UTP20: variants seen among roughly 807,000 people sequenced by gnomAD.
UTP20 encodes UTP20 small subunit processome component, also known as small subunit processome component 20 homolog.
Under a neutral mutation model 329.5 loss-of-function variants are expected in UTP20, and 164 were observed. That is an observed-to-expected ratio of 0.50 (90% CI 0.44 to 0.57). The LOEUF is 0.57. Among genes scored for constraint, UTP20 ranks in the 20% least tolerant of loss-of-function variants. The pLI is 0.00. For synonymous variants in UTP20, 1,151 were observed against 1,159.3 expected (o/e 0.99, Z 0.14); for missense variants, 3,055 against 3,284.2 (o/e 0.93, Z 1.71).
At chr12:101,348,532 A>G (rs950031720) in intron 38 of UTP20, among the ~76,000 whole-genome samples, 5 of 152,014 alleles carry the variant, frequency 3.3e-5, no homozygotes, top group Non-Finnish European at 5.9e-5. Context: ...CTCTTTGAAA[A>G]TAAAGAAAAG....
intron 26 of UTP20, among the ~76,000 whole-genome samples, chr12:101,327,927 C>T (rs1192056377): frequency 6.6e-6 from 1 of 152,188 alleles, no homozygotes; most frequent in Non-Finnish European, 1.5e-5. Flanking sequence ...GCTGTCATTA[C>T]TTGATTATCC....
chr12:101,306,580 C>G lies in UTP20; in HGVS notation c.1933-119C>G, dbSNP rs764794715. 1.1e-5 allele frequency: 10 copies of G among 901,174 alleles called. No individual in the cohort carries two copies. The South Asian group carries it at 1.9e-4, about 17-fold the overall frequency. 55.8% of individuals were successfully genotyped at this position (901,174 alleles called of 1,614,324 possible). On this transcript the variant is annotated intron_variant, in intron 16 of 61. Transcript: ENST00000261637. ...TAAGGGCTAGAATAGGCACATATTA[C>G]TCTGGTCAAATGGTATTTTTTTTTT... is the stretch of plus-strand genomic sequence containing the variant.
Position 101,317,585 on chromosome 12 carries a change from A to T in UTP20, c.2660A>T (p.Asp887Val). 6.2e-7 allele frequency: 1 copy of T among 1,614,164 alleles called. No homozygotes were observed. The highest frequency in any genetic ancestry group is 8.5e-7 in the Non-Finnish European group (1 of 1,180,032). Residue 887 changes from aspartate (D) to valine (V), a missense_variant, in exon 22 of 62, where the codon GAT becomes GTT. Transcript: ENST00000261637. The part of the protein sequence containing the change: ...EEIEEEPAAG[D>V]DEELEEEAVP... ...ATCGAAGAGGAACCTGCCGCAGGAG[A>T]TGATGAAGAGTTGGAGGAAGAGGCA...
intron 6 of UTP20, among the ~76,000 whole-genome samples, chr12:101,289,590 C>T (rs1415306987): frequency 1.3e-5 from 2 of 151,976 alleles, no homozygotes; most frequent in African/African-American, 4.8e-5. Context: ...TAATTTGGGT[C>T]ACTATTGTAT....
rs200541979 is a variant in UTP20 at position 101,374,908 on chromosome 12, A to T, written c.7232A>T (p.Glu2411Val). 7 of 1,611,812 alleles carry T rather than the reference A, an allele frequency of 4.3e-6. No homozygotes were observed. The highest frequency in any genetic ancestry group is 5.9e-6 in the Non-Finnish European group (7 of 1,177,996). Residue 2411 changes from glutamate (E) to valine (V), a missense_variant, in exon 55 of 62, where the codon GAA (glutamate) becomes GTA (valine). Coordinates refer to ENST00000261637, the MANE Select transcript of UTP20 (RefSeq NM_014503.3). The part of the protein sequence containing the change: ...KRLGTVLPVI[E>V]KEIDPENFKD... ...CTTGGAACTGTCCTTCCTGTGATTG[A>T]AAAGGAAATTGATCCTGAAAACTTT...
At position 101,363,694 on chromosome 12, in the gene UTP20, A is replaced by G. The variant is rs1470933938; in HGVS notation, c.5909A>G (p.Lys1970Arg). The G allele has an allele frequency of 6.2e-7, 1 of 1,612,782 alleles. No individual in the cohort carries two copies. Among genetic ancestry groups the G allele is most frequent in the Non-Finnish European group, 8.5e-7 (1 of 1,178,864 alleles). Residue 1970 changes from lysine to arginine, a missense_variant, in exon 45 of 62, where the codon AAG becomes AGG. Physicochemically the swap from Lys to Arg is conservative, Grantham distance 26. Coordinates refer to ENST00000261637, the MANE Select transcript of UTP20 (RefSeq NM_014503.3). ...KSYDSYEILGKFVGKDQVTKL... is the reference protein window; with the variant it reads ...KSYDSYEILGRFVGKDQVTKL... ...TACGACTCTTATGAAATCCTCGGCA[A>G]GTTTGTAGGAAAAGATCAGGTTACA...
chr12:101,342,902 A>G (rs777908913), intron 34 of UTP20, 39 bp from the exon 35 acceptor site: 12 of 1,609,976 alleles, frequency 7.5e-6, no homozygotes, highest in Non-Finnish European at 9.3e-6. Flanking sequence ...GAAGATTTAT[A>G]TGCCTTCTTT....
At chr12:101,295,716 G>A (rs1267782833) in intron 12 of UTP20, 58 bp downstream of exon 12, 7 of 1,481,124 alleles carry the variant, frequency 4.7e-6, no homozygotes, top group Admixed American at 2.1e-5. Flanking sequence ...TAAATGTAAT[G>A]TATCAAGAAT....
intron 18 of UTP20, 68 bp from the exon 19 acceptor site, chr12:101,309,695 C>T: frequency 6.8e-7 from 1 of 1,481,438 alleles, no homozygotes; most frequent in Non-Finnish European, 9.3e-7. Flanking sequence ...GGGATGTTTG[C>T]ATTTCAGTAC....
intron 29 of UTP20, 89 bp downstream of exon 29, chr12:101,334,593 A>G: frequency 3.6e-6 from 4 of 1,120,188 alleles, no homozygotes; most frequent in Non-Finnish European, 5.1e-6. Flanking sequence ...AGTGTAATTT[A>G]TGGTCTTTCC....
Position 101,300,061 on chromosome 12 carries a change from G to T in UTP20, c.1675G>T (p.Gly559Ter). Residue 559 changes from glycine to a stop codon, truncating the protein, a stop_gained and splice_region_variant, in exon 14 of 62, where the codon GGA becomes TGA. Coordinates refer to ENST00000261637, the MANE Select transcript of UTP20 (RefSeq NM_014503.3). LOFTEE classifies it high-confidence loss of function. ...TGTTGACAAAGGAAGCTTTGGGAAA[G>T]GTCAGTTACAATCATCATGTGTTCT... ...MTVDKGSFGK[G>*]NLFVLCQAVN... 1 of 1,613,952 alleles carries T rather than the reference G, an allele frequency of 6.2e-7. No individual in the cohort carries two copies. The highest frequency in any genetic ancestry group is 8.5e-7 in the Non-Finnish European group (1 of 1,179,820).
At chr12:101,360,300 G>T (rs1218714284) in intron 43 of UTP20, among the ~76,000 whole-genome samples, 1 of 152,166 alleles carries the variant, frequency 6.6e-6, no homozygotes, top group African/African-American at 2.4e-5. Flanking sequence ...AACTCAGGTG[G>T]CCGAAGTGGG....
At chr12:101,371,242 G>A (rs1475338193) in intron 51 of UTP20, 74 bp downstream of exon 51, 17 of 1,095,856 alleles carry the variant, frequency 1.6e-5, no homozygotes, top group African/African-American at 3.2e-5. Context: ...TGTCAACACT[G>A]GCTGAATTCT....
chr12:101,371,373 G>T (rs1870282147), intron 51 of UTP20, among the ~76,000 whole-genome samples: 1 of 152,050 alleles, frequency 6.6e-6, no homozygotes, highest in South Asian at 2.1e-4. Context: ...GAAGAAAAAG[G>T]CTTAGCTTTC....
chr12:101,317,480 A>G lies in UTP20; in HGVS notation c.2555A>G (p.Asn852Ser), dbSNP rs1308753600. 1.2e-6 allele frequency: 2 copies of G among 1,613,668 alleles called. No individual in the cohort carries two copies. Among genetic ancestry groups the G allele is most frequent in the Admixed American group, 1.7e-5 (1 of 59,944 alleles). Reference protein sequence around the residue: ...LSPLFLRFINNEYYPADLQVA... With the variant: ...LSPLFLRFINSEYYPADLQVA... ...CTGTGACTTTCTTTCCACGGTAGCA[A>G]TGAGTATTACCCAGCAGATCTGCAA... The change falls in exon 22 of 62, where the codon AAT (asparagine) becomes AGT (serine). Residue 852 changes from asparagine (N) to serine (S), a missense_variant and splice_region_variant. By Grantham distance (46) the Asn-to-Ser change is conservative. Around this residue, in one of 3 missense-constraint regions of UTP20, gnomAD observed 2,445 missense variants for 2,575.5 expected, o/e 0.95. Transcript: ENST00000261637.
chr12:101,292,461 A>T (rs1219021560), intron 10 of UTP20, among the ~76,000 whole-genome samples: 1 of 152,136 alleles, frequency 6.6e-6, no homozygotes, highest in Non-Finnish European at 1.5e-5. Context: ...TGTTGGAGAA[A>T]TGGAGCCTGG....
At chr12:101,383,003 A>G (rs1171586425) in intron 58 of UTP20, 38 bp from the exon 59 acceptor site, 1 of 1,559,192 alleles carries the variant, frequency 6.4e-7, no homozygotes, top group Non-Finnish European at 8.6e-7. Flanking sequence ...TTCAAAATCA[A>G]TGTCCAATTT....
rs1408387304 is a variant in UTP20, at chr12:101,363,589, A to G, written c.5804A>G (p.Glu1935Gly). The change falls in exon 45 of 62, where the codon GAG (glutamate) becomes GGG (glycine). Residue 1935 changes from glutamate to glycine, a missense_variant. Physicochemically the swap from Glu to Gly is moderately conservative, Grantham distance 98. Transcript: ENST00000261637. ...TTTCTTCCAAAGATTTTTAACCATGAGTTGTTTGGTGCTGTTGCTGAAGAG... is the reference window on the plus strand; with the variant it reads ...TTTCTTCCAAAGATTTTTAACCATGGGTTGTTTGGTGCTGTTGCTGAAGAG... ...LDIMIEIFNH[E>G]LFGAVAEEKE... 6.2e-7 allele frequency: 1 copy of G among 1,611,812 alleles called. No homozygotes were observed. Among genetic ancestry groups the G allele is most frequent in the African/African-American group, 1.3e-5 (1 of 74,716 alleles).
At chr12:101,296,372 C>G (rs540912214) in intron 12 of UTP20, among the ~76,000 whole-genome samples, 1 of 152,206 alleles carries the variant, frequency 6.6e-6, no homozygotes, top group East Asian at 1.9e-4. Flanking sequence ...GAGATCGAGA[C>G]CATCCTGGCT....
Sources: allele counts gnomAD v4.1 joint callset (sites outside exome capture counted in the v4.1 genomes callset), GRCh38; gene constraint gnomAD v4.1.1; regional missense constraint gnomAD v4.1.1; transcripts MANE v1.5; gene names NCBI Gene and HGNC (gene_info 2026-07-23, HGNC 2026-07-21).